Variants in TUBGCP3 observed in about 807,000 individuals in gnomAD.
TUBGCP3 encodes the protein gamma-tubulin complex component 3.
Under a neutral mutation model 123.1 loss-of-function variants are expected in TUBGCP3, and 50 were observed. The observed-to-expected ratio is 0.41, with a 90% confidence interval of 0.32 to 0.51. TUBGCP3 has a LOEUF of 0.51. Ranked by LOEUF, TUBGCP3 falls within the 20% of genes least tolerant of loss-of-function variation. TUBGCP3 has a pLI of 0.36. For synonymous variants in TUBGCP3, 405 were observed against 413.9 expected, an observed-to-expected ratio of 0.98 and a Z score of 0.26; for missense variants, 882 against 1,127.0, an observed-to-expected ratio of 0.78 and a Z score of 3.11.
chr13:112,564,976 G>T, intron 3 of TUBGCP3, 135 bp downstream of exon 3: 2 of 663,042 alleles, frequency 3.0e-6, no homozygotes, highest in Non-Finnish European at 4.8e-6. Context: ...AAAAGCAAAT[G>T]CTATCTATAA....
chr13:112,489,789 G>A, intron 20 of TUBGCP3, 92 bp from the exon 21 acceptor site: 1 of 1,040,418 alleles, frequency 9.6e-7, no homozygotes, highest in Non-Finnish European at 1.5e-6. Flanking sequence ...GGAGCAGGAG[G>A]TGTCTGCTTT....
intron 7 of TUBGCP3, 145 bp from the exon 8 acceptor site, chr13:112,554,327 G>A: frequency 9.9e-7 from 1 of 1,005,100 alleles, no homozygotes; most frequent in Non-Finnish European, 1.4e-6. Context: ...CATCACTAAA[G>A]GGAAGGAAAG....
At chr13:112,541,865 C>T (rs1878547119) in intron 11 of TUBGCP3, among the ~76,000 whole-genome samples, 1 of 152,192 alleles carries the variant, frequency 6.6e-6, no homozygotes, top group Non-Finnish European at 1.5e-5. Context: ...CATACTATAA[C>T]TCACACACTA....
the TUBGCP3 span, among the ~76,000 whole-genome samples, chr13:112,595,275 C>A: frequency 6.6e-6 from 1 of 151,988 alleles, no homozygotes; most frequent in Non-Finnish European, 1.5e-5. Flanking sequence ...CAGCTCACTG[C>A]AAGCTCCACC....
intron 1 of TUBGCP3, among the ~76,000 whole-genome samples, chr13:112,581,998 CCTT>C (rs1410382574): frequency 6.6e-6 from 1 of 152,166 alleles, no homozygotes; most frequent in Non-Finnish European, 1.5e-5. Context: ...TCCAGTTTAT[CCTT>C]CTTGCTGATT....
At chr13:112,580,748 G>A (rs7986446) in intron 1 of TUBGCP3, among the ~76,000 whole-genome samples, 45,262 of 152,032 alleles carry the variant, frequency 0.3, 7,401 homozygotes, top group African/African-American at 0.42. Flanking sequence ...CTTCAGACCA[G>A]AATATCTATA....
intron 1 of TUBGCP3, among the ~76,000 whole-genome samples, chr13:112,583,421 AGAG>A (rs1263312438): frequency 2.6e-5 from 4 of 152,208 alleles, no homozygotes; most frequent in East Asian, 1.9e-4. Flanking sequence ...CTCTGACTGA[AGAG>A]GAGAAGAGGA....
At chr13:112,547,505 C>T (rs41288616) in intron 10 of TUBGCP3, 115 bp downstream of exon 10, 106,983 of 1,329,066 alleles carry the variant, frequency 0.08, 7,098 homozygotes, top group African/African-American at 0.34. Flanking sequence ...GTGCCAGACG[C>T]GCGTGGGAAA....
intron 7 of TUBGCP3, 62 bp from the exon 8 acceptor site, chr13:112,554,244 T>C: frequency 1.3e-6 from 2 of 1,580,336 alleles, no homozygotes; most frequent in South Asian, 2.3e-5. Context: ...TTAATTAGTA[T>C]TTTTCTCAAG....
chr13:112,586,070 TCTA>T (rs1882587503), intron 1 of TUBGCP3, among the ~76,000 whole-genome samples: 1 of 151,784 alleles, frequency 6.6e-6, no homozygotes, highest in Non-Finnish European at 1.5e-5. Flanking sequence ...AAACCCCGTC[TCTA>T]CTAAAAATAC....
intron 1 of TUBGCP3, among the ~76,000 whole-genome samples, chr13:112,574,849 G>A (rs923340854): frequency 6.6e-6 from 1 of 152,146 alleles, no homozygotes; most frequent in African/African-American, 2.4e-5. Flanking sequence ...GCACCAGCTG[G>A]GGCTGGGTAA....
Position 112,588,076 on chromosome 13 carries a change from C to T in TUBGCP3, c.-96G>A, listed in dbSNP as rs758899396. On this transcript the variant is annotated 5_prime_UTR_variant, in exon 1 of 22. Transcript: ENST00000261965. Reference sequence around the variant, plus strand: ...CCGCGCCCTTCCTGCGCCCCGCAAGCTCCCTGCTCCTGACAGGCTAAGGCG... The same window carrying T: ...CCGCGCCCTTCCTGCGCCCCGCAAGTTCCCTGCTCCTGACAGGCTAAGGCG... 350 of 1,089,212 alleles carry T rather than the reference C, an allele frequency of 3.2e-4. 1 individual carries two copies. Among genetic ancestry groups the T allele is most frequent in the Non-Finnish European group, 4.0e-4 (334 of 829,018 alleles). 67.5% of individuals were successfully genotyped at this position (1,089,212 alleles called of 1,614,324 possible).
intron 1 of TUBGCP3, among the ~76,000 whole-genome samples, chr13:112,577,949 T>C (rs1352623744): frequency 6.6e-6 from 1 of 152,214 alleles, no homozygotes. Flanking sequence ...TTTCAACCTA[T>C]ATCACATGCC....
intron 19 of TUBGCP3, among the ~76,000 whole-genome samples, chr13:112,501,769 T>C (rs1302504683): frequency 6.6e-6 from 1 of 152,214 alleles, no homozygotes; most frequent in Non-Finnish European, 1.5e-5. Context: ...GCCTCCGGCA[T>C]GACACCTTCA....
At chr13:112,529,088 A>G (rs924400001) in intron 11 of TUBGCP3, among the ~76,000 whole-genome samples, 2 of 152,114 alleles carry the variant, frequency 1.3e-5, no homozygotes, top group African/African-American at 4.8e-5. Flanking sequence ...CCTGAGCTCA[A>G]GCGATCTGCC....
chr13:112,574,991 C>T (rs937173691), intron 1 of TUBGCP3, among the ~76,000 whole-genome samples: 1 of 152,194 alleles, frequency 6.6e-6, no homozygotes, highest in Non-Finnish European at 1.5e-5. Context: ...CGCCAGGCTA[C>T]CAGCCCCTTC....
At chr13:112,517,583 A>C (rs1473933741) in intron 16 of TUBGCP3, among the ~76,000 whole-genome samples, 1 of 152,216 alleles carries the variant, frequency 6.6e-6, no homozygotes, top group Non-Finnish European at 1.5e-5. Flanking sequence ...AGGAGATATG[A>C]AAGTTGCTAA....
At chr13:112,521,775 G>A (rs1876647276) in intron 14 of TUBGCP3, 5 of 985,180 alleles carry the variant, frequency 5.1e-6, no homozygotes, top group South Asian at 4.7e-5. Flanking sequence ...CCAGGCTCAC[G>A]CTGCCTGGGC....
chr13:112,512,427 CAAAAAAAAAAAA>C (rs35550857), intron 17 of TUBGCP3, among the ~76,000 whole-genome samples: 1 of 39,458 alleles, frequency 2.5e-5, no homozygotes, highest in African/African-American at 9.4e-5. Context: ...GACTCTGTCT[CAAAAAAAAAAAA>C]AAAAAAAAAA....
Sources: gnomAD v4.1 joint callset for allele counts (sites outside exome capture counted in the v4.1 genomes callset) on GRCh38, gnomAD v4.1.1 for gene constraint, MANE v1.5 for transcripts, NCBI Gene and HGNC (gene_info 2026-07-23, HGNC 2026-07-21) for gene names.